RLN1: variants seen among roughly 807,000 people sequenced by gnomAD.
RLN1 encodes prorelaxin H1.
RLN1 carries 4 observed loss-of-function variants against 7.2 expected under a neutral mutation model. The ratio of observed to expected loss-of-function variants is 0.56; its 90% CI spans 0.28 to 1.28. The LOEUF (loss-of-function observed/expected upper bound fraction) is 1.28. Ranked by LOEUF, RLN1 falls within the 50% of genes most tolerant of loss-of-function variation. The probability of loss-of-function intolerance (pLI) is 0.11; values close to 1 mark genes in which losing one functional copy is unlikely to be tolerated. For synonymous variants in RLN1, 105 were observed against 86.0 expected (o/e 1.22, Z -1.22); for missense variants, 293 against 221.1 (o/e 1.32, Z -2.06).
intron 1 of RLN1, among the ~76,000 whole-genome samples, chr9:5,335,838 A>G (rs1010948568): frequency 6.6e-5 from 10 of 151,944 alleles, no homozygotes; most frequent in African/African-American, 2.2e-4. Context: ...GTCTCTCTTC[A>G]TTATCCCCTC....
Position 5,335,263 on chromosome 9 carries a change from A to G in RLN1, c.546T>C (p.Ala182=). Reference sequence around the variant, plus strand: ...AATTAGCTTCATCTCAGCAATATTTAGCAAGAGACCTTTTGGTACAACCAA... The same window carrying G: ...AATTAGCTTCATCTCAGCAATATTTGGCAAGAGACCTTTTGGTACAACCAA... ...CLIGCTKRSL[A]KYC The change falls in exon 2 of 2, where the codon GCT becomes GCC. Residue 182 remains alanine (A), a synonymous_variant. Transcript: ENST00000223862. The G allele has an allele frequency of 6.3e-7, 1 of 1,586,100 alleles. No individual in the cohort carries two copies. Among genetic ancestry groups the G allele is most frequent in the Non-Finnish European group, 8.6e-7 (1 of 1,169,070 alleles).
intron 1 of RLN1, 106 bp downstream of exon 1, chr9:5,339,430 A>G (rs1816944629): frequency 2.8e-6 from 2 of 706,940 alleles, no homozygotes; most frequent in South Asian, 3.5e-5. Context: ...GGTGGCAGCC[A>G]ATGAGATCTC....
Position 5,335,351 on chromosome 9 carries a change from A to C in RLN1, c.458T>G (p.Leu153Trp), listed in dbSNP as rs1816864217. The C allele has an allele frequency of 6.2e-7, 1 of 1,613,534 alleles. No homozygotes were observed. Among genetic ancestry groups the C allele is most frequent in the Non-Finnish European group, 8.5e-7 (1 of 1,179,694 alleles). ...TCTCTTTTTTTGAGAATGAGTATCCAAGCCTAAGTATTTTAATTCTGAAGG... is the reference window on the plus strand; with the variant it reads ...TCTCTTTTTTTGAGAATGAGTATCCCAGCCTAAGTATTTTAATTCTGAAGG... ...SNPSELKYLG[L>W]DTHSQKKRRP... The change falls in exon 2 of 2, where the codon TTG becomes TGG. Residue 153 changes from leucine (L) to tryptophan (W), a missense_variant. Coordinates refer to ENST00000223862, the MANE Select transcript of RLN1 (RefSeq NM_006911.4).
At chr9:5,337,527 A>C (rs1006351294) in intron 1 of RLN1, among the ~76,000 whole-genome samples, 1 of 151,990 alleles carries the variant, frequency 6.6e-6, no homozygotes, top group Non-Finnish European at 1.5e-5. Context: ...TTTAAAAGGG[A>C]TGCAGTGAAT....
chr9:5,336,630 A>C (rs73393298), intron 1 of RLN1, among the ~76,000 whole-genome samples: 7,731 of 152,158 alleles, frequency 0.051, 731 homozygotes, highest in African/African-American at 0.18. Flanking sequence ...AACCTTAATT[A>C]TCCTAATTAT....
rs200387461 is a variant in RLN1 at position 5,339,635 on chromosome 9, C to G, written c.112G>C (p.Glu38Gln). The G allele has an allele frequency of 6.2e-7, 1 of 1,612,694 alleles. No homozygotes were observed. The highest frequency in any genetic ancestry group is 8.5e-7 in the Non-Finnish European group (1 of 1,180,022). The change falls in exon 1 of 2, where the codon GAA becomes CAA. Residue 38 changes from glutamate to glutamine, a missense_variant. Coordinates refer to ENST00000223862, the MANE Select transcript of RLN1 (RefSeq NM_006911.4). ...ATGGCAATCTGCGCGCGAACTAATT[C>G]GCGGCCGCATAATTTAATAACATCG... Reference protein sequence around the residue: ...KDDVIKLCGRELVRAQIAICG... With the variant: ...KDDVIKLCGRQLVRAQIAICG...
Position 5,335,284 on chromosome 9 carries a change from A to T in RLN1, c.525T>A (p.Gly175=). 1 of 1,598,578 alleles carries T rather than the reference A, an allele frequency of 6.3e-7. No individual in the cohort carries two copies. Among genetic ancestry groups the T allele is most frequent in the Non-Finnish European group, 8.5e-7 (1 of 1,175,726 alleles). The part of the protein sequence containing the change: ...VALFEKCCLI[G]CTKRSLAKYC ...ATTTAGCAAGAGACCTTTTGGTACAACCAATTAGGCAACATTTCTCAAACA... is the reference window on the plus strand; with the variant it reads ...ATTTAGCAAGAGACCTTTTGGTACATCCAATTAGGCAACATTTCTCAAACA... Residue 175 remains glycine (G), a synonymous_variant, in exon 2 of 2, where the codon GGT becomes GGA. Transcript: ENST00000223862.
rs1467178193 is a variant in RLN1, at chr9:5,335,491, T to C, written c.318A>G (p.Gln106=). 8 of 1,613,198 alleles carry C rather than the reference T, an allele frequency of 5.0e-6. 1 individual carries two copies. Among genetic ancestry groups the C allele is most frequent in the South Asian group, 2.2e-5 (2 of 91,044 alleles). The change falls in exon 2 of 2, where the codon CAA becomes CAG. Residue 106 remains glutamine (Q), a synonymous_variant. Coordinates refer to ENST00000223862, the MANE Select transcript of RLN1 (RefSeq NM_006911.4). ...PELKAALSER[Q]PSLPELQQYV... Reference sequence around the variant, plus strand: ...ACTGCTGTAGCTCTGGTAATGATGGTTGCCTCTCAGATAGGGCTGCCTTCA... The same window carrying C: ...ACTGCTGTAGCTCTGGTAATGATGGCTGCCTCTCAGATAGGGCTGCCTTCA...
At chr9:5,339,902 T>G (rs1816957789), upstream of RLN1, 1 of 731,574 alleles carries the variant, frequency 1.4e-6, no homozygotes, top group Non-Finnish European at 2.3e-6. Context: ...TCACTCAGCT[T>G]TTAAGGCAAG....
In RLN1 at chr9:5,335,329, CTTTT is replaced by C. The variant is rs758351039; in HGVS notation, c.476_479del (p.Lys159ArgfsTer14). 38 of 1,612,516 alleles carry C rather than the reference CTTTT, an allele frequency of 2.4e-5. No individual in the cohort carries two copies. Among genetic ancestry groups the C allele is most frequent in the Non-Finnish European group, 3.1e-5 (37 of 1,179,588 alleles). ...CAAACAGTGCCACGTAGGGTCGTCT[CTTTT>C]TTTGAGAATGAGTATCCAAGCCTAA... is the stretch of plus-strand genomic sequence containing the variant. On this transcript the variant is annotated frameshift_variant, in exon 2 of 2. Transcript: ENST00000223862. LOFTEE classifies it low-confidence loss of function (END_TRUNC).
chr9:5,336,112 C>A (rs531414266), intron 1 of RLN1, among the ~76,000 whole-genome samples: 8 of 152,130 alleles, frequency 5.3e-5, no homozygotes, highest in Middle Eastern at 3.4e-3. Flanking sequence ...AAAGAGGCAG[C>A]ATTTCCAACA....
rs1175656489 is a variant in RLN1 at position 5,335,506 on chromosome 9, G to A, written c.303C>T (p.Ala101=). Residue 101 remains alanine, a synonymous_variant, in exon 2 of 2, where the codon GCC becomes GCT. Coordinates refer to ENST00000223862, the MANE Select transcript of RLN1 (RefSeq NM_006911.4). ...GTAATGATGGTTGCCTCTCAGATAG[G>A]GCTGCCTTCAGCTCCGGTGGCAAAT... ...IANLPPELKA[A]LSERQPSLPE... 2 of 1,613,060 alleles carry A rather than the reference G, an allele frequency of 1.2e-6. No individual in the cohort carries two copies. Among genetic ancestry groups the A allele is most frequent in the Non-Finnish European group, 1.7e-6 (2 of 1,179,322 alleles).
chr9:5,339,982 C>T (rs532520577), upstream of RLN1: 31 of 567,926 alleles, frequency 5.5e-5, no homozygotes, highest in East Asian at 5.1e-4. Context: ...TCTGCCTCTC[C>T]GCCCTTCCTT....
At chr9:5,339,927 C>T, upstream of RLN1, 1 of 631,120 alleles carries the variant, frequency 1.6e-6, no homozygotes, top group Non-Finnish European at 2.8e-6. Context: ...CCAGCTCCAC[C>T]CCTTTCCCAC....
chr9:5,336,032 G>C (rs2181145), intron 1 of RLN1, among the ~76,000 whole-genome samples: 1,839 of 151,996 alleles, frequency 0.012, 67 homozygotes, highest in African/African-American at 0.043. Context: ...TAGTAACAAC[G>C]CTTGAAAAAG....
At chr9:5,336,070 G>C (rs140077480) in intron 1 of RLN1, among the ~76,000 whole-genome samples, 4 of 151,954 alleles carry the variant, frequency 2.6e-5, no homozygotes, top group East Asian at 1.9e-4. Context: ...TCAATGTTTC[G>C]TGGTGGGAAT....
chr9:5,340,278 A>T (rs1008980748), upstream of RLN1, among the ~76,000 whole-genome samples: 2 of 152,208 alleles, frequency 1.3e-5, no homozygotes, highest in African/African-American at 4.8e-5. Flanking sequence ...ATAATGGATG[A>T]ATGAATAAAT....
chr9:5,336,457 T>C, intron 1 of RLN1, among the ~76,000 whole-genome samples: 1 of 152,024 alleles, frequency 6.6e-6, no homozygotes, highest in East Asian at 1.9e-4. Flanking sequence ...GCTGGGAACC[T>C]GCTGGACACC....
intron 1 of RLN1, among the ~76,000 whole-genome samples, chr9:5,337,089 A>G (rs1429870605): frequency 6.6e-6 from 1 of 152,098 alleles, no homozygotes; most frequent in Non-Finnish European, 1.5e-5. Flanking sequence ...ATGACAGATG[A>G]GAATTTATAT....
Sources: gnomAD v4.1 joint callset for allele counts (sites outside exome capture counted in the v4.1 genomes callset) on GRCh38, gnomAD v4.1.1 for gene constraint, MANE v1.5 for transcripts, NCBI Gene and HGNC (gene_info 2026-07-23, HGNC 2026-07-21) for gene names.